The following MAN1A1 variants were observed in gnomAD, a reference collection of about 807,000 sequenced individuals.
The protein encoded by MAN1A1 is mannosidase alpha class 1A member 1.
MAN1A1 carries 29 observed loss-of-function variants against 70.8 expected under a neutral mutation model. The observed-to-expected ratio is 0.41, with a 90% confidence interval of 0.31 to 0.56. The LOEUF (loss-of-function observed/expected upper bound fraction) is 0.56, where lower values mean the gene tolerates loss of function less well. MAN1A1 is among the 20% of genes least tolerant of loss of function. The probability of loss-of-function intolerance (pLI) is 0.29; values close to 1 mark genes in which losing one functional copy is unlikely to be tolerated. For missense variants in MAN1A1, 747 were observed against 841.3 expected, an observed-to-expected ratio of 0.89 and a Z score of 1.39; for synonymous variants, 349 against 330.1, an observed-to-expected ratio of 1.06 and a Z score of -0.62.
At chr6:119,180,466 G>C in intron 11 of MAN1A1, 39 bp from the exon 12 acceptor site, 1 of 1,051,618 alleles carries the variant, frequency 9.5e-7, no homozygotes, top group Non-Finnish European at 1.5e-6. Flanking sequence ...TCACATTTCA[G>C]TAAACTGATT....
intron 6 of MAN1A1, among the ~76,000 whole-genome samples, chr6:119,223,054 G>A (rs888558875): frequency 6.6e-6 from 1 of 151,982 alleles, no homozygotes; most frequent in African/African-American, 2.4e-5. Flanking sequence ...TTAAAAAGGG[G>A]GGAAGGGAAG....
chr6:119,325,651 G>A (rs955434348), intron 2 of MAN1A1, among the ~76,000 whole-genome samples: 2 of 152,226 alleles, frequency 1.3e-5, no homozygotes, highest in African/African-American at 4.8e-5. Flanking sequence ...ATACTCCGTC[G>A]CCGGGGGCAG....
chr6:119,293,118 G>A (rs1772096566), intron 4 of MAN1A1, among the ~76,000 whole-genome samples: 1 of 151,846 alleles, frequency 6.6e-6, no homozygotes, highest in South Asian at 2.1e-4. Flanking sequence ...CTGGCTATAG[G>A]TTCTTGACAT....
intron 5 of MAN1A1, among the ~76,000 whole-genome samples, chr6:119,288,825 A>C (rs1776452301): frequency 6.6e-6 from 1 of 151,896 alleles, no homozygotes. Flanking sequence ...GAAAAATAAA[A>C]GAAAAAATCT....
intron 5 of MAN1A1, among the ~76,000 whole-genome samples, chr6:119,260,766 G>C (rs982388066): frequency 5.9e-5 from 9 of 151,994 alleles, no homozygotes; most frequent in Non-Finnish European, 8.8e-5. Flanking sequence ...ATGAAACAAT[G>C]CCCTGCCTTA....
intron 4 of MAN1A1, among the ~76,000 whole-genome samples, chr6:119,291,003 T>A (rs1022926399): frequency 2.6e-5 from 4 of 151,904 alleles, no homozygotes; most frequent in Non-Finnish European, 4.4e-5. Context: ...TGACAATTTT[T>A]AAAAATAAAG....
At chr6:119,320,890 A>G (rs1478818935) in intron 2 of MAN1A1, among the ~76,000 whole-genome samples, 1 of 152,230 alleles carries the variant, frequency 6.6e-6, no homozygotes, top group African/African-American at 2.4e-5. Context: ...ATAATTACAT[A>G]CCACTCTGTT....
intron 7 of MAN1A1, among the ~76,000 whole-genome samples, chr6:119,204,509 G>A (rs1275795616): frequency 6.6e-6 from 1 of 152,190 alleles, no homozygotes; most frequent in East Asian, 1.9e-4. Context: ...GATGAGTTAA[G>A]TAACTAACTT....
Position 119,218,839 on chromosome 6 carries a change from C to T in MAN1A1, c.993-13957G>A, listed in dbSNP as rs145142031. Among the ~76,000 whole-genome samples the T allele has an allele frequency of 1.1e-3, 168 of 152,204 alleles. 3 individuals carry two copies. In the East Asian group the frequency reaches 0.028, roughly 25 times the overall value. ...CAAGGTAGGCTCTGGCAACCAGCAA[C>T]CTTGAACTGGAATAACTGGGTAAAT... On this transcript the variant is annotated intron_variant, in intron 6 of 12. Transcript: ENST00000368468.
intron 4 of MAN1A1, among the ~76,000 whole-genome samples, chr6:119,300,596 G>A (rs1562232737): frequency 6.6e-6 from 1 of 151,980 alleles, no homozygotes; most frequent in African/African-American, 2.4e-5. Context: ...AAATGAAACC[G>A]TTTTTTTCCA....
At chr6:119,263,491 G>A (rs1000910753) in intron 5 of MAN1A1, among the ~76,000 whole-genome samples, 14 of 152,054 alleles carry the variant, frequency 9.2e-5, no homozygotes, top group Non-Finnish European at 1.3e-4. Context: ...ACAGACACCG[G>A]GGCCTTCTTG....
At chr6:119,255,439 T>C (rs973461543) in intron 5 of MAN1A1, among the ~76,000 whole-genome samples, 2 of 152,248 alleles carry the variant, frequency 1.3e-5, no homozygotes, top group East Asian at 1.9e-4. Context: ...GTTGAGTTGA[T>C]AAACTTGCAC....
chr6:119,251,008 A>G (rs1333047220), intron 5 of MAN1A1, among the ~76,000 whole-genome samples: 1 of 152,196 alleles, frequency 6.6e-6, no homozygotes, highest in Non-Finnish European at 1.5e-5. Context: ...CGCCTCCATC[A>G]GTCACTAAGT....
At chr6:119,200,343 T>C (rs976579466) in intron 8 of MAN1A1, among the ~76,000 whole-genome samples, 7 of 152,162 alleles carry the variant, frequency 4.6e-5, no homozygotes, top group Non-Finnish European at 8.8e-5. Context: ...TAACCTTGAT[T>C]ATAGTCCTAA....
At chr6:119,239,984 A>C (rs1180488174) in intron 6 of MAN1A1, among the ~76,000 whole-genome samples, 1 of 152,234 alleles carries the variant, frequency 6.6e-6, no homozygotes, top group Non-Finnish European at 1.5e-5. Context: ...CTTGAGATGA[A>C]AGCCACTTTG....
At chr6:119,326,684 AGGCAG>A (rs1773155182) in intron 2 of MAN1A1, among the ~76,000 whole-genome samples, 1 of 152,196 alleles carries the variant, frequency 6.6e-6, no homozygotes, top group South Asian at 2.1e-4. Flanking sequence ...AGGTGAAGCA[AGGCAG>A]GGAAGGAAGA....
chr6:119,179,915 A>T lies in MAN1A1; in HGVS notation c.1866T>A (p.Asp622Glu). 4 of 1,613,752 alleles carry T rather than the reference A, an allele frequency of 2.5e-6. No homozygotes were observed. The highest frequency in any genetic ancestry group is 3.4e-6 in the Non-Finnish European group (4 of 1,179,700). Residue 622 changes from aspartate to glutamate, a missense_variant, in exon 13 of 13, where the codon GAT becomes GAA. Transcript: ENST00000368468. ...KYLYLIFSDD[D>E]LLPLEHWIFN... ...AGATCCAATGCTCCAGTGGAAGAAG[A>T]TCGTCGTCAGAAAATATTAGGTACA...
chr6:119,215,481 AG>A (rs1774174121), intron 6 of MAN1A1, among the ~76,000 whole-genome samples: 1 of 152,192 alleles, frequency 6.6e-6, no homozygotes, highest in Non-Finnish European at 1.5e-5. Context: ...CTGAAACAGC[AG>A]GAGAGAGGCT....
chr6:119,199,215 A>AT (rs1336933681), intron 8 of MAN1A1, among the ~76,000 whole-genome samples: 1 of 152,182 alleles, frequency 6.6e-6, no homozygotes, highest in Non-Finnish European at 1.5e-5. Flanking sequence ...CCAAAATTCT[A>AT]TTTTTTATTT....
Sources: gnomAD v4.1 joint callset for allele counts (sites outside exome capture counted in the v4.1 genomes callset) on GRCh38, gnomAD v4.1.1 for gene constraint, MANE v1.5 for transcripts, NCBI Gene and HGNC (gene_info 2026-07-23, HGNC 2026-07-21) for gene names.